Variants in KCNC2 observed in about 807,000 individuals in gnomAD.
KCNC2 encodes the protein potassium voltage-gated channel subfamily C member 2.
KCNC2 carries 21 observed loss-of-function variants against 44.5 expected under a neutral mutation model. The ratio of observed to expected loss-of-function variants is 0.47; its 90% CI spans 0.33 to 0.68. The LOEUF is 0.68. Among genes scored for constraint, KCNC2 ranks in the 30% least tolerant of loss-of-function variants. The pLI is 0.01. For missense variants in KCNC2, 589 were observed against 826.2 expected, an observed-to-expected ratio of 0.71 and a Z score of 3.52; for synonymous variants, 391 against 339.1, an observed-to-expected ratio of 1.15 and a Z score of -1.68.
intron 2 of KCNC2, among the ~76,000 whole-genome samples, chr12:75,074,051 G>A (rs562052748): frequency 6.6e-6 from 1 of 152,038 alleles, no homozygotes; most frequent in South Asian, 2.1e-4. Flanking sequence ...AGGAAAAGTT[G>A]TGTCATAAAA....
chr12:75,048,340 TGACA>T (rs775384788), intron 3 of KCNC2, 23 bp from the exon 4 acceptor site: 1 of 1,583,400 alleles, frequency 6.3e-7, no homozygotes, highest in Non-Finnish European at 8.6e-7. Context: ...CCATGCCCAT[TGACA>T]GACAGTGATG....
intron 2 of KCNC2, among the ~76,000 whole-genome samples, chr12:75,165,657 A>G (rs576226524): frequency 6.6e-6 from 1 of 151,668 alleles, no homozygotes; most frequent in African/African-American, 2.4e-5. Context: ...TGTTAGGTCC[A>G]TCAAAATTAC....
intron 2 of KCNC2, among the ~76,000 whole-genome samples, chr12:75,185,422 C>T (rs780821829): frequency 2.6e-5 from 4 of 152,142 alleles, no homozygotes; most frequent in Non-Finnish European, 4.4e-5. Flanking sequence ...GTCATGGGCG[C>T]ATGACCTGCA....
At position 75,050,510 on chromosome 12, in the gene KCNC2, G is replaced by A. The variant is rs898373321; in HGVS notation, c.1495C>T (p.Pro499Ser). Reference protein sequence around the residue: ...LPRKRKKHIPPAPQASSPTFC... With the variant: ...LPRKRKKHIPSAPQASSPTFC... The stretch of plus-strand genomic sequence containing the variant: ...GTAGGTGAGCTTGCCTGAGGAGCAG[G>A]AGGGATGTGCTTCTTTCTTTTCCTT... The change falls in exon 3 of 5, where the codon CCT becomes TCT. Residue 499 changes from proline (P) to serine (S), a missense_variant. By Grantham distance (74) the Pro-to-Ser change is moderately conservative (BLOSUM62 -1). Around this residue, in one of 7 missense-constraint regions of KCNC2, gnomAD observed 171 missense variants for 182.4 expected, o/e 0.94. Coordinates refer to ENST00000549446, the MANE Select transcript of KCNC2 (RefSeq NM_139137.4). 1 of 1,613,662 alleles carries A rather than the reference G, an allele frequency of 6.2e-7. No individual in the cohort carries two copies. Among genetic ancestry groups the A allele is most frequent in the Admixed American group, 1.7e-5 (1 of 59,964 alleles).
intron 2 of KCNC2, among the ~76,000 whole-genome samples, chr12:75,065,771 A>C (rs1882771102): frequency 6.6e-6 from 1 of 152,118 alleles, no homozygotes; most frequent in South Asian, 2.1e-4. Context: ...CTAATGGTGC[A>C]TTTCTCAAAC....
chr12:75,106,326 T>C (rs1886779998), intron 2 of KCNC2, among the ~76,000 whole-genome samples: 1 of 152,130 alleles, frequency 6.6e-6, no homozygotes, highest in Non-Finnish European at 1.5e-5. Context: ...GACAGCTCTT[T>C]TGAAAAGTTT....
intron 2 of KCNC2, among the ~76,000 whole-genome samples, chr12:75,178,107 C>A (rs887623373): frequency 6.6e-6 from 1 of 151,888 alleles, no homozygotes; most frequent in African/African-American, 2.4e-5. Context: ...ATAATTTACA[C>A]CCAGGAAAAT....
At chr12:75,064,765 G>A (rs1226798464) in intron 2 of KCNC2, among the ~76,000 whole-genome samples, 3 of 151,980 alleles carry the variant, frequency 2.0e-5, no homozygotes, top group African/African-American at 7.2e-5. Flanking sequence ...TTATGAGAGA[G>A]TATGTTGTTT....
chr12:75,048,769 T>A (rs1322620985), intron 3 of KCNC2, among the ~76,000 whole-genome samples: 1 of 152,124 alleles, frequency 6.6e-6, no homozygotes, highest in Non-Finnish European at 1.5e-5. Flanking sequence ...TCTGAAAGCA[T>A]TGTGTCCAAA....
At chr12:75,161,835 A>G (rs571094906) in intron 2 of KCNC2, among the ~76,000 whole-genome samples, 1 of 151,890 alleles carries the variant, frequency 6.6e-6, no homozygotes, top group South Asian at 2.1e-4. Context: ...CCTATGAGAC[A>G]TTAAACTATG....
intron 2 of KCNC2, among the ~76,000 whole-genome samples, chr12:75,192,243 C>T (rs745861785): frequency 6.6e-6 from 1 of 152,198 alleles, no homozygotes; most frequent in Non-Finnish European, 1.5e-5. Context: ...CCGCAACATC[C>T]ATTCTTCAGC....
intron 2 of KCNC2, among the ~76,000 whole-genome samples, chr12:75,176,521 T>G (rs1892195195): frequency 6.6e-6 from 1 of 152,008 alleles, no homozygotes; most frequent in African/African-American, 2.4e-5. Flanking sequence ...CTGCTCACCC[T>G]GTACCAGCCA....
chr12:75,086,681 A>AATATAT (rs398044519), intron 2 of KCNC2, among the ~76,000 whole-genome samples: 9 of 54,204 alleles, frequency 1.7e-4, no homozygotes, highest in African/African-American at 3.1e-4. Flanking sequence ...AAAAAAAAAA[A>AATATAT]ATATATATAT....
intron 2 of KCNC2, among the ~76,000 whole-genome samples, chr12:75,108,440 G>A (rs1185406080): frequency 6.6e-6 from 1 of 152,192 alleles, no homozygotes; most frequent in Non-Finnish European, 1.5e-5. Context: ...TGCATTGCCA[G>A]ATTAGGAGAA....
At chr12:75,160,728 C>T (rs138248207) in intron 2 of KCNC2, among the ~76,000 whole-genome samples, 27 of 151,800 alleles carry the variant, frequency 1.8e-4, no homozygotes, top group South Asian at 1.5e-3. Flanking sequence ...GATTCTCATT[C>T]GCTACATCAT....
chr12:75,182,569 A>G (rs989392589), intron 2 of KCNC2, among the ~76,000 whole-genome samples: 6 of 151,072 alleles, frequency 4.0e-5, no homozygotes, highest in African/African-American at 1.5e-4. Context: ...AACAGAAAGC[A>G]CTGACTGACT....
chr12:75,197,132 A>T (rs963182082), intron 2 of KCNC2, among the ~76,000 whole-genome samples: 2 of 152,052 alleles, frequency 1.3e-5, no homozygotes, highest in Admixed American at 1.3e-4. Context: ...ATTCATAGGC[A>T]CATTCAAATT....
rs530080407 is a variant in KCNC2, at chr12:75,132,866, C to A, written c.687+74431G>T. Among the ~76,000 whole-genome samples the A allele has an allele frequency of 2.0e-5, 3 of 152,224 alleles. No homozygotes were observed. In the South Asian group the frequency reaches 6.2e-4, roughly 32 times the overall value. ...ACTGCATTTAATGACAGCTCCACTACTACTCCAGGTTCCCTACATTTCACT... is the reference window on the plus strand; with the variant it reads ...ACTGCATTTAATGACAGCTCCACTAATACTCCAGGTTCCCTACATTTCACT... On this transcript the variant is annotated intron_variant, in intron 2 of 4. Transcript: ENST00000549446.
intron 2 of KCNC2, among the ~76,000 whole-genome samples, chr12:75,115,193 T>C (rs1471371453): frequency 6.6e-6 from 1 of 152,186 alleles, no homozygotes; most frequent in Non-Finnish European, 1.5e-5. Flanking sequence ...TAGCTCTGTA[T>C]TCACTTACTG....
Sources: gnomAD v4.1 joint callset for allele counts (sites outside exome capture counted in the v4.1 genomes callset) on GRCh38, gnomAD v4.1.1 for gene constraint, gnomAD v4.1.1 regional missense constraint, MANE v1.5 for transcripts, NCBI Gene and HGNC (gene_info 2026-07-23, HGNC 2026-07-21) for gene names.